Variants in LRRTM3 observed in about 807,000 individuals in gnomAD.
The protein encoded by LRRTM3 is leucine-rich repeat transmembrane neuronal protein 3.
A neutral mutation model predicts 44.7 loss-of-function variants in LRRTM3; 24 were observed. The ratio of observed to expected loss-of-function variants is 0.54; its 90% CI spans 0.39 to 0.76. The LOEUF is 0.76. Among genes scored for constraint, LRRTM3 ranks in the 30% least tolerant of loss-of-function variants. The probability of loss-of-function intolerance (pLI) is 0.00; values close to 1 mark genes in which losing one functional copy is unlikely to be tolerated. For synonymous variants in LRRTM3, 277 were observed against 278.7 expected, an observed-to-expected ratio of 0.99 and a Z score of 0.06; for missense variants, 587 against 702.2, an observed-to-expected ratio of 0.84 and a Z score of 1.85.
intron 2 of LRRTM3, among the ~76,000 whole-genome samples, chr10:67,067,344 A>T (rs1477341880): frequency 6.6e-6 from 1 of 152,196 alleles, no homozygotes; most frequent in African/African-American, 2.4e-5. Flanking sequence ...TAAACCATAT[A>T]CTAAGCAAAA....
chr10:67,052,310 ATCAC>A (rs1271475241), intron 2 of LRRTM3, among the ~76,000 whole-genome samples: 38 of 92,834 alleles, frequency 4.1e-4, no homozygotes, highest in African/African-American at 1.5e-3. Context: ...ACACCCACTC[ATCAC>A]TCTCTCTCTC....
chr10:67,061,113 G>A (rs537791041), intron 2 of LRRTM3, among the ~76,000 whole-genome samples: 8 of 152,118 alleles, frequency 5.3e-5, no homozygotes, highest in South Asian at 2.1e-4. Flanking sequence ...AAAAATTAAC[G>A]GTTTGGGGAA....
Position 66,927,359 on chromosome 10 carries a change from T to C in LRRTM3, c.443T>C (p.Leu148Pro), listed in dbSNP as rs1444805333. 2 of 1,614,216 alleles carry C rather than the reference T, an allele frequency of 1.2e-6. No individual in the cohort carries two copies. Among genetic ancestry groups the C allele is most frequent in the Non-Finnish European group, 8.5e-7 (1 of 1,180,036 alleles). Residue 148 changes from leucine (L) to proline (P), a missense_variant, in exon 2 of 3, where the codon CTG becomes CCG. Physicochemically the swap from Leu to Pro is moderately conservative, Grantham distance 98. Coordinates refer to ENST00000361320, the MANE Select transcript of LRRTM3 (RefSeq NM_178011.5). This position sits in a 1 kb window ranked among gnomAD's most constrained non-coding sequence, Gnocchi z 4.7. ...CTGTCCTATAATCAGCTGCATTCTCTGGGATCTGAACAGTTTCGGGGCTTG... is the reference window on the plus strand; with the variant it reads ...CTGTCCTATAATCAGCTGCATTCTCCGGGATCTGAACAGTTTCGGGGCTTG... ...LDLSYNQLHS[L>P]GSEQFRGLRK...
chr10:66,969,458 A>C (rs1029088817), intron 2 of LRRTM3, among the ~76,000 whole-genome samples: 1 of 152,104 alleles, frequency 6.6e-6, no homozygotes, highest in African/African-American at 2.4e-5. Flanking sequence ...TTGGGGAGAA[A>C]ATTTTAAGCA....
intron 2 of LRRTM3, among the ~76,000 whole-genome samples, chr10:66,939,358 T>G (rs1225879087): frequency 6.6e-6 from 1 of 152,134 alleles, no homozygotes; most frequent in African/African-American, 2.4e-5. Flanking sequence ...TCTATCCAAC[T>G]TTTAAGTCAA....
intron 2 of LRRTM3, among the ~76,000 whole-genome samples, chr10:67,010,438 C>G (rs1013996455): frequency 9.9e-5 from 15 of 152,100 alleles, no homozygotes; most frequent in Non-Finnish European, 1.6e-4. Flanking sequence ...TGTTGGATTG[C>G]TGACTTAATG....
chr10:67,037,037 C>T (rs10762129), intron 2 of LRRTM3, among the ~76,000 whole-genome samples: 33,354 of 151,932 alleles, frequency 0.22, 4,675 homozygotes, highest in East Asian at 0.44. Flanking sequence ...TTGGGTGTTC[C>T]GGGGCTACCT....
intron 2 of LRRTM3, among the ~76,000 whole-genome samples, chr10:66,972,811 A>T (rs983277532): frequency 1.3e-5 from 2 of 150,320 alleles, no homozygotes; most frequent in Admixed American, 6.7e-5. Flanking sequence ...CCTGGGTTCA[A>T]GTGATTCTTG....
chr10:67,079,856 AAAAC>A (rs1856954875), intron 2 of LRRTM3, among the ~76,000 whole-genome samples: 1 of 124,184 alleles, frequency 8.1e-6, no homozygotes, highest in Admixed American at 8.5e-5. Flanking sequence ...TCAAAAAAAC[AAAAC>A]ACACACACAC....
intron 2 of LRRTM3, among the ~76,000 whole-genome samples, chr10:66,935,314 T>C (rs904539761): frequency 6.6e-6 from 1 of 152,032 alleles, no homozygotes; most frequent in Non-Finnish European, 1.5e-5. Flanking sequence ...GGTACAACAG[T>C]GAAAATAGTT....
At chr10:66,987,985 A>G (rs1850827106) in intron 2 of LRRTM3, among the ~76,000 whole-genome samples, 1 of 152,200 alleles carries the variant, frequency 6.6e-6, no homozygotes, top group Non-Finnish European at 1.5e-5. Flanking sequence ...AATTATAAGG[A>G]ATTAGAATAT....
At chr10:66,972,479 T>C (rs1260107547) in intron 2 of LRRTM3, among the ~76,000 whole-genome samples, 3 of 152,000 alleles carry the variant, frequency 2.0e-5, no homozygotes, top group African/African-American at 7.3e-5. Flanking sequence ...AACGTAAAAA[T>C]CATTATTTTC....
chr10:67,012,670 A>C (rs1385186439), intron 2 of LRRTM3, among the ~76,000 whole-genome samples: 1 of 152,046 alleles, frequency 6.6e-6, no homozygotes, highest in Non-Finnish European at 1.5e-5. Context: ...TTGTGCCCTC[A>C]TTGGTTGTCC....
At chr10:67,049,323 C>G (rs1854946343) in intron 2 of LRRTM3, among the ~76,000 whole-genome samples, 1 of 152,062 alleles carries the variant, frequency 6.6e-6, no homozygotes, top group Non-Finnish European at 1.5e-5. Flanking sequence ...AACAGAACCC[C>G]AATGTCAGGG....
chr10:66,929,727 A>G (rs1487549410), intron 2 of LRRTM3, among the ~76,000 whole-genome samples: 2 of 152,230 alleles, frequency 1.3e-5, no homozygotes, highest in African/African-American at 4.8e-5. Context: ...ACAGTTCTGT[A>G]CAGACCCTGT....
chr10:67,048,238 T>C (rs1794292809), intron 2 of LRRTM3, among the ~76,000 whole-genome samples: 2 of 152,088 alleles, frequency 1.3e-5, no homozygotes, highest in African/African-American at 2.4e-5. Context: ...AAATCATTTA[T>C]ATAAACGAGG....
At chr10:67,044,546 CTG>C (rs1018973845) in intron 2 of LRRTM3, among the ~76,000 whole-genome samples, 21 of 152,134 alleles carry the variant, frequency 1.4e-4, no homozygotes, top group Admixed American at 6.5e-5. Context: ...GAGCTAATCT[CTG>C]TGAGTGCTCA....
chr10:66,935,108 A>G (rs1847622660), intron 2 of LRRTM3, among the ~76,000 whole-genome samples: 1 of 152,148 alleles, frequency 6.6e-6, no homozygotes, highest in South Asian at 2.1e-4. Context: ...AAGAAAGAAT[A>G]TGCTTACCAA....
At chr10:67,036,345 C>G (rs1478339435) in intron 2 of LRRTM3, among the ~76,000 whole-genome samples, 1 of 151,696 alleles carries the variant, frequency 6.6e-6, no homozygotes, top group Non-Finnish European at 1.5e-5. Flanking sequence ...TCTCGGCTCA[C>G]TGCAATCTCT....
Sources: allele counts gnomAD v4.1 joint callset (sites outside exome capture counted in the v4.1 genomes callset), GRCh38; gene constraint gnomAD v4.1.1; non-coding constraint Gnocchi (gnomAD v3.1); transcripts MANE v1.5; gene names NCBI Gene and HGNC (gene_info 2026-07-23, HGNC 2026-07-21).